Variants in ST6GALNAC5 observed in about 807,000 individuals in gnomAD.
ST6GALNAC5 encodes the protein ST6 N-acetylgalactosaminide alpha-2,6-sialyltransferase 5.
ST6GALNAC5 carries 27 observed loss-of-function variants against 33.6 expected under a neutral mutation model. The ratio of observed to expected loss-of-function variants is 0.80; its 90% CI spans 0.59 to 1.11. The LOEUF is 1.11. ST6GALNAC5 is among the 50% of genes least tolerant of loss of function. The pLI, the probability that ST6GALNAC5 is intolerant of heterozygous loss-of-function variation, is 0.00. For missense variants in ST6GALNAC5, 428 were observed against 454.0 expected (o/e 0.94, Z 0.52); for synonymous variants, 194 against 171.2 (o/e 1.13, Z -1.04).
intron 2 of ST6GALNAC5, among the ~76,000 whole-genome samples, chr1:77,037,191 T>C (rs953318838): frequency 6.6e-6 from 1 of 152,166 alleles, no homozygotes; most frequent in Non-Finnish European, 1.5e-5. Context: ...AGTTTAAAGT[T>C]TGGCTTTTCA....
At chr1:76,986,179 T>G (rs1649486738) in intron 2 of ST6GALNAC5, among the ~76,000 whole-genome samples, 1 of 152,068 alleles carries the variant, frequency 6.6e-6, no homozygotes, top group Admixed American at 6.6e-5. Flanking sequence ...CTAATTAAAC[T>G]AAAGAGCTTC....
At chr1:76,976,101 T>TA (rs2100373253) in intron 2 of ST6GALNAC5, among the ~76,000 whole-genome samples, 2 of 151,692 alleles carry the variant, frequency 1.3e-5, no homozygotes, top group African/African-American at 4.8e-5. Context: ...CTCAAAAAAA[T>TA]AAAAAATTAA....
chr1:76,868,448 G>A lies in ST6GALNAC5; in HGVS notation c.16-49G>A. Reference sequence around the variant, plus strand: ...TTGTCCCCGCTGGGCGCGCTCCTCCGGTGTCTGCGCTCAGCCGCTCTCCTC... The same window carrying A: ...TTGTCCCCGCTGGGCGCGCTCCTCCAGTGTCTGCGCTCAGCCGCTCTCCTC... On this transcript the variant is annotated intron_variant, in intron 1 of 4. Transcript: ENST00000477717. The surrounding 1 kb of genome is among the most constrained non-coding windows in gnomAD (Gnocchi z 4.3). 1 of 1,561,998 alleles carries A rather than the reference G, an allele frequency of 6.4e-7. No individual in the cohort carries two copies. The highest frequency in any genetic ancestry group is 1.2e-5 in the South Asian group (1 of 83,088).
intron 2 of ST6GALNAC5, among the ~76,000 whole-genome samples, chr1:76,912,694 C>T (rs1646927106): frequency 1.3e-5 from 2 of 151,246 alleles, no homozygotes; most frequent in Non-Finnish European, 3.0e-5. Flanking sequence ...TTCTTTGTCT[C>T]TTTTGATCTT....
rs1652791610 is a variant in ST6GALNAC5, at chr1:77,066,752, A to G, written c.*3546A>G. On this transcript the variant is annotated 3_prime_UTR_variant, in exon 5 of 5. Transcript: ENST00000477717. ...CTCTACATGTTTTGTATCTGACCCA[A>G]TCATTTCTTCCATTCTCATTGCTTC... 6.6e-6 allele frequency among the ~76,000 whole-genome samples: 1 copy of G among 152,098 alleles called. No individual in the cohort carries two copies. The highest frequency in any genetic ancestry group is 2.4e-5 in the African/African-American group (1 of 41,414).
chr1:77,063,292 G>GTCT lies in ST6GALNAC5; in HGVS notation c.*86_*87insTCT. The GTCT allele has an allele frequency of 7.9e-7, 1 of 1,269,784 alleles. No homozygotes were observed. Among genetic ancestry groups the GTCT allele is most frequent in the Non-Finnish European group, 1.1e-6 (1 of 896,292 alleles). 78.7% of individuals were successfully genotyped at this position (1,269,784 alleles called of 1,614,324 possible). A position where few individuals can be genotyped will look rare whatever the true frequency, so the allele number is the denominator to read the frequency against. ...ACTTCCTGAGCCACCAGACAGGAAA[G>GTCT]GGTAGCAGAAAACAGCTTCACTCCT... On this transcript the variant is annotated 3_prime_UTR_variant, in exon 5 of 5. Transcript: ENST00000477717.
chr1:76,909,526 T>C (rs1646892369), intron 2 of ST6GALNAC5, among the ~76,000 whole-genome samples: 1 of 152,084 alleles, frequency 6.6e-6, no homozygotes, highest in Admixed American at 6.6e-5. Flanking sequence ...ATATGGTGTG[T>C]CAAAATGTTA....
chr1:76,991,525 C>T (rs1649729123), intron 2 of ST6GALNAC5, among the ~76,000 whole-genome samples: 1 of 152,198 alleles, frequency 6.6e-6, no homozygotes, highest in African/African-American at 2.4e-5. Flanking sequence ...ATTCAATTTG[C>T]ATGAACAGGC....
intron 2 of ST6GALNAC5, among the ~76,000 whole-genome samples, chr1:77,018,118 C>T (rs936262724): frequency 6.6e-6 from 1 of 151,934 alleles, no homozygotes; most frequent in African/African-American, 2.4e-5. Context: ...CAACTTCAGG[C>T]AAGAAGAAGA....
At chr1:76,971,397 G>C (rs1648753495) in intron 2 of ST6GALNAC5, among the ~76,000 whole-genome samples, 1 of 152,082 alleles carries the variant, frequency 6.6e-6, no homozygotes, top group South Asian at 2.1e-4. Context: ...GTGGGATATT[G>C]ATTTCACGGA....
intron 4 of ST6GALNAC5, among the ~76,000 whole-genome samples, chr1:77,052,388 G>A (rs1047410741): frequency 2.6e-5 from 4 of 152,146 alleles, no homozygotes; most frequent in South Asian, 2.1e-4. Context: ...ATCCAGTTTC[G>A]ACTTGTTGGG....
At chr1:76,914,495 A>G (rs1453277556) in intron 2 of ST6GALNAC5, among the ~76,000 whole-genome samples, 1 of 152,244 alleles carries the variant, frequency 6.6e-6, no homozygotes, top group Non-Finnish European at 1.5e-5. Context: ...AAACAGAGAT[A>G]TAGATCAATG....
intron 2 of ST6GALNAC5, among the ~76,000 whole-genome samples, chr1:76,898,763 C>T (rs1272531350): frequency 7.9e-5 from 12 of 152,180 alleles, no homozygotes; most frequent in Middle Eastern, 3.4e-3. Context: ...AACTGTAAAC[C>T]GGACTGGGTG....
intron 2 of ST6GALNAC5, among the ~76,000 whole-genome samples, chr1:76,929,369 G>A (rs187647703): frequency 5.4e-4 from 82 of 152,148 alleles, no homozygotes; most frequent in Admixed American, 3.3e-3. Flanking sequence ...CGTGAGACCT[G>A]TTACTATAAA....
intron 2 of ST6GALNAC5, among the ~76,000 whole-genome samples, chr1:76,881,213 G>A (rs1653770668): frequency 6.6e-6 from 1 of 152,110 alleles, no homozygotes; most frequent in Non-Finnish European, 1.5e-5. Context: ...TCAAATGATT[G>A]GTAAAACTTT....
At position 77,063,187 on chromosome 1, in the gene ST6GALNAC5, A is replaced by G; in HGVS notation, c.992A>G (p.Glu331Gly). Residue 331 changes from glutamate (E) to glycine (G), a missense_variant, in exon 5 of 5, where the codon GAG (glutamate) becomes GGG (glycine). By Grantham distance (98) the Glu-to-Gly change is moderately conservative (BLOSUM62 -2). Transcript: ENST00000477717. The stretch of plus-strand genomic sequence containing the variant: ...GAATCACTTGCTATAAATCATCCTG[A>G]GAATAAACCTGTGTTCTAAGGAATG... The part of the protein sequence containing the change: ...KPESLAINHP[E>G]NKPVF 1 of 1,613,702 alleles carries G rather than the reference A, an allele frequency of 6.2e-7. No individual in the cohort carries two copies. The highest frequency in any genetic ancestry group is 8.5e-7 in the Non-Finnish European group (1 of 1,179,730).
chr1:77,022,013 CT>C (rs1358878785), intron 2 of ST6GALNAC5, among the ~76,000 whole-genome samples: 1 of 152,250 alleles, frequency 6.6e-6, no homozygotes, highest in East Asian at 1.9e-4. Flanking sequence ...CCCCGTTTGT[CT>C]TTTTTCCCCC....
chr1:76,978,238 A>G (rs1649101077), intron 2 of ST6GALNAC5, among the ~76,000 whole-genome samples: 1 of 152,192 alleles, frequency 6.6e-6, no homozygotes, highest in Non-Finnish European at 1.5e-5. Context: ...TGTTAGATGC[A>G]TAGTTCACAC....
At chr1:76,973,356 T>C (rs1185484600) in intron 2 of ST6GALNAC5, among the ~76,000 whole-genome samples, 1 of 151,996 alleles carries the variant, frequency 6.6e-6, no homozygotes, top group African/African-American at 2.4e-5. Flanking sequence ...GTGGATGTTG[T>C]AGTTCCAGTA....
Sources: allele counts gnomAD v4.1 joint callset (sites outside exome capture counted in the v4.1 genomes callset), GRCh38; gene constraint gnomAD v4.1.1; non-coding constraint Gnocchi (gnomAD v3.1); transcripts MANE v1.5; gene names NCBI Gene and HGNC (gene_info 2026-07-23, HGNC 2026-07-21).